The following ARHGAP24 variants were observed in gnomAD, a reference collection of about 807,000 sequenced individuals.
ARHGAP24 encodes Rho GTPase activating protein 24.
In ARHGAP24, 50 loss-of-function variants were observed where a neutral mutation model predicts 76.4. The observed-to-expected ratio is 0.65, with a 90% CI of 0.52 to 0.83. The LOEUF (loss-of-function observed/expected upper bound fraction) is 0.83, where lower values mean the gene tolerates loss of function less well. Among genes scored for constraint, ARHGAP24 ranks in the 40% least tolerant of loss-of-function variants. ARHGAP24 has a pLI of 0.00. For missense variants in ARHGAP24, 930 were observed against 914.2 expected (o/e 1.02, Z -0.22); for synonymous variants, 345 against 323.3 (o/e 1.07, Z -0.72).
intron 9 of ARHGAP24, among the ~76,000 whole-genome samples, chr4:85,997,255 T>C (rs910128706): frequency 6.6e-5 from 10 of 152,032 alleles, no homozygotes; most frequent in African/African-American, 2.2e-4. Context: ...TGAAGGTAGA[T>C]GGATGGATAG....
At chr4:85,682,915 A>G (rs190834187) in intron 2 of ARHGAP24, among the ~76,000 whole-genome samples, 11 of 152,282 alleles carry the variant, frequency 7.2e-5, no homozygotes, top group Admixed American at 7.2e-4. Context: ...TTTCAAAGAC[A>G]CATAATATGA....
Position 85,649,158 on chromosome 4 carries a change from G to C in ARHGAP24, c.181-72727G>C, listed in dbSNP as rs183038214. Among the ~76,000 whole-genome samples, 23 of 152,148 alleles carry C rather than the reference G, an allele frequency of 1.5e-4. No individual in the cohort carries two copies. The East Asian group carries it at 3.7e-3, about 24-fold the overall frequency. On this transcript the variant is annotated intron_variant, in intron 2 of 9. Transcript: ENST00000395184. ...CTGTGTGATGCACTTTAATTTCACA[G>C]TATTTACCAAACATTTAATCTGTGA...
At chr4:85,762,670 T>C (rs1726775543) in intron 3 of ARHGAP24, among the ~76,000 whole-genome samples, 1 of 152,180 alleles carries the variant, frequency 6.6e-6, no homozygotes, top group Non-Finnish European at 1.5e-5. Context: ...CATGAGTGAA[T>C]GAGCTGGGAT....
chr4:85,872,595 CTTTTT>C (rs5860005), intron 3 of ARHGAP24, among the ~76,000 whole-genome samples: 3 of 73,166 alleles, frequency 4.1e-5, no homozygotes, highest in Non-Finnish European at 7.1e-5. Flanking sequence ...TGCATCTGGC[CTTTTT>C]TTTTTTTTTT....
chr4:85,713,164 G>A (rs1323461207), intron 2 of ARHGAP24, among the ~76,000 whole-genome samples: 1 of 152,040 alleles, frequency 6.6e-6, no homozygotes, highest in African/African-American at 2.4e-5. Flanking sequence ...CAGGCGTGGT[G>A]GCATGCACCT....
chr4:85,657,702 G>T (rs910148207), intron 2 of ARHGAP24, among the ~76,000 whole-genome samples: 2 of 152,156 alleles, frequency 1.3e-5, no homozygotes, highest in African/African-American at 4.8e-5. Flanking sequence ...TGCAAACATT[G>T]CCGGGGTAGA....
chr4:85,776,122 A>G (rs1727301509), intron 3 of ARHGAP24, among the ~76,000 whole-genome samples: 1 of 152,162 alleles, frequency 6.6e-6, no homozygotes, highest in Non-Finnish European at 1.5e-5. Flanking sequence ...CTGTTCATGC[A>G]GTCACTACCC....
chr4:85,567,165 G>C (rs1726883787), intron 1 of ARHGAP24, among the ~76,000 whole-genome samples: 1 of 152,174 alleles, frequency 6.6e-6, no homozygotes, highest in African/African-American at 2.4e-5. Context: ...TTCAGATGTT[G>C]AGAATCCTTA....
At chr4:85,619,714 G>A (rs559050697) in intron 2 of ARHGAP24, among the ~76,000 whole-genome samples, 29 of 151,884 alleles carry the variant, frequency 1.9e-4, no homozygotes, top group African/African-American at 4.1e-4. Context: ...TTATGCAATC[G>A]TAAATGGGAT....
intron 3 of ARHGAP24, among the ~76,000 whole-genome samples, chr4:85,870,576 G>A (rs955568743): frequency 2.6e-5 from 4 of 152,116 alleles, no homozygotes; most frequent in African/African-American, 9.7e-5. Flanking sequence ...AGTTAGTGGA[G>A]GCCCTTCTTT....
chr4:85,669,355 G>A (rs1449929634), intron 2 of ARHGAP24, among the ~76,000 whole-genome samples: 1 of 152,002 alleles, frequency 6.6e-6, no homozygotes, highest in Admixed American at 6.6e-5. Context: ...CTGTGGCAGT[G>A]TGTTGTAGCA....
intron 4 of ARHGAP24, chr4:85,930,873 G>T: frequency 6.2e-7 from 1 of 1,610,192 alleles, no homozygotes; most frequent in Non-Finnish European, 8.5e-7. Context: ...GTTGGGTTTC[G>T]CTCAGAGGCA....
At chr4:85,540,661 C>G (rs1292431448) in intron 1 of ARHGAP24, among the ~76,000 whole-genome samples, 2 of 152,070 alleles carry the variant, frequency 1.3e-5, no homozygotes, top group Admixed American at 6.5e-5. Flanking sequence ...TTCTTCACGC[C>G]AGAAATTTTC....
At chr4:85,599,837 T>G (rs1269464446) in intron 2 of ARHGAP24, among the ~76,000 whole-genome samples, 2 of 152,130 alleles carry the variant, frequency 1.3e-5, no homozygotes, top group African/African-American at 4.8e-5. Flanking sequence ...AAAGTAACTA[T>G]TTTTTAAAAC....
intron 9 of ARHGAP24, among the ~76,000 whole-genome samples, chr4:85,996,795 C>T (rs1490405696): frequency 6.6e-6 from 1 of 151,966 alleles, no homozygotes; most frequent in African/African-American, 2.4e-5. Context: ...TTTTTGGAAC[C>T]ACTATGTATT....
intron 3 of ARHGAP24, among the ~76,000 whole-genome samples, chr4:85,758,221 C>A (rs2110071287): frequency 6.6e-6 from 1 of 152,232 alleles, no homozygotes; most frequent in East Asian, 1.9e-4. Context: ...ACTGTCAATG[C>A]CAAGGAACGT....
chr4:85,695,186 C>G (rs928661538), intron 2 of ARHGAP24, among the ~76,000 whole-genome samples: 1 of 152,112 alleles, frequency 6.6e-6, no homozygotes, highest in African/African-American at 2.4e-5. Flanking sequence ...AAAAGTAAAG[C>G]AAAATAATGT....
rs145967220 is a variant in ARHGAP24, at chr4:85,735,366, T to C, written c.268+13394T>C. ...ACTATACCACACTCATTCCAAGTTC[T>C]AGCTTTGTTCAAATCAACTTTTGTC... On this transcript the variant is annotated intron_variant, in intron 3 of 9. Coordinates refer to ENST00000395184, the MANE Select transcript of ARHGAP24 (RefSeq NM_001025616.3). Among the ~76,000 whole-genome samples, 1,116 of 152,304 alleles carry C rather than the reference T, an allele frequency of 7.3e-3. 12 individuals are homozygous for C. Among genetic ancestry groups the C allele is most frequent in the African/African-American group, 0.026 (1,069 of 41,568 alleles).
At chr4:85,568,880 A>G (rs1407630014) in intron 1 of ARHGAP24, among the ~76,000 whole-genome samples, 2 of 152,222 alleles carry the variant, frequency 1.3e-5, no homozygotes, top group African/African-American at 4.8e-5. Context: ...GATAGATTGA[A>G]ATATATGCCA....
Sources: allele counts gnomAD v4.1 joint callset (sites outside exome capture counted in the v4.1 genomes callset), GRCh38; gene constraint gnomAD v4.1.1; transcripts MANE v1.5; gene names NCBI Gene and HGNC (gene_info 2026-07-23, HGNC 2026-07-21).